The following MAP3K5 variants were observed in gnomAD, a reference collection of about 807,000 sequenced individuals.
MAP3K5 encodes the protein mitogen-activated protein kinase kinase kinase 5, also known as ASK-1.
A neutral mutation model predicts 158.7 loss-of-function variants in MAP3K5; 56 were observed. The observed-to-expected ratio is 0.35, with a 90% CI of 0.28 to 0.44. MAP3K5 has a LOEUF of 0.44. Among genes scored for constraint, MAP3K5 ranks in the 20% least tolerant of loss-of-function variants. MAP3K5 has a pLI of 1.00. For missense variants in MAP3K5, 1,294 were observed against 1,674.8 expected (o/e 0.77, Z 3.97); for synonymous variants, 579 against 601.7 (o/e 0.96, Z 0.55).
intron 1 of MAP3K5, among the ~76,000 whole-genome samples, chr6:136,730,721 C>CAAAAAAA (rs377188561): frequency 3.4e-5 from 3 of 87,378 alleles, no homozygotes; most frequent in African/African-American, 1.8e-4. Context: ...AACTCTGCCT[C>CAAAAAAA]AAAAAAAAAA....
chr6:136,737,037 G>GTGTGTATATATATATA (rs759947051), intron 1 of MAP3K5, among the ~76,000 whole-genome samples: 51 of 126,988 alleles, frequency 4.0e-4, no homozygotes, highest in Non-Finnish European at 6.5e-4. Context: ...ATATGTGTGT[G>GTGTGTATATATATATA]TATATATATA....
chr6:136,728,499 T>G (rs1277651039), intron 1 of MAP3K5, among the ~76,000 whole-genome samples: 1 of 152,204 alleles, frequency 6.6e-6, no homozygotes, highest in Non-Finnish European at 1.5e-5. Context: ...ATCAAGGTCT[T>G]GAACTGGTCA....
chr6:136,685,989 C>T (rs1030917161), intron 7 of MAP3K5, among the ~76,000 whole-genome samples: 7 of 152,194 alleles, frequency 4.6e-5, no homozygotes, highest in African/African-American at 9.6e-5. Flanking sequence ...TGCACTACAG[C>T]GGAAACTGGA....
chr6:136,700,540 A>G (rs1490067048), intron 3 of MAP3K5, among the ~76,000 whole-genome samples: 2 of 152,238 alleles, frequency 1.3e-5, no homozygotes, highest in East Asian at 1.9e-4. Context: ...AGACACTCAT[A>G]TATCAGGTAA....
intron 14 of MAP3K5, among the ~76,000 whole-genome samples, chr6:136,625,390 G>A (rs1776987179): frequency 6.6e-6 from 1 of 152,210 alleles, no homozygotes; most frequent in African/African-American, 2.4e-5. Context: ...GAGGGGATAG[G>A]AAGTATGGCC....
At chr6:136,565,613 G>A (rs1774064881) in intron 26 of MAP3K5, among the ~76,000 whole-genome samples, 1 of 152,160 alleles carries the variant, frequency 6.6e-6, no homozygotes, top group African/African-American at 2.4e-5. Context: ...TTTTTAATAT[G>A]AGAGCTACAA....
At chr6:136,628,236 T>A (rs1474420974) in intron 14 of MAP3K5, among the ~76,000 whole-genome samples, 1 of 152,038 alleles carries the variant, frequency 6.6e-6, no homozygotes, top group Non-Finnish European at 1.5e-5. Flanking sequence ...TTCAGCCTCC[T>A]CAACAGCTGG....
chr6:136,616,099 T>C (rs1776550717), intron 15 of MAP3K5, among the ~76,000 whole-genome samples: 1 of 152,130 alleles, frequency 6.6e-6, no homozygotes, highest in South Asian at 2.1e-4. Flanking sequence ...GGGCACGTAT[T>C]AAAATGAGCA....
At chr6:136,747,155 A>AC (rs1782998874) in intron 1 of MAP3K5, among the ~76,000 whole-genome samples, 1 of 152,140 alleles carries the variant, frequency 6.6e-6, no homozygotes. Flanking sequence ...TCCTGGTCTT[A>AC]TTGGCCTCCC....
chr6:136,739,892 G>A (rs555908131), intron 1 of MAP3K5, among the ~76,000 whole-genome samples: 5 of 152,104 alleles, frequency 3.3e-5, no homozygotes, highest in South Asian at 2.1e-4. Context: ...CTAAGCAAGC[G>A]GCAGTTCCTG....
At position 136,557,400 on chromosome 6, in the gene MAP3K5, T is replaced by G. The variant is rs1427669977; in HGVS notation, c.*358A>C. 5.0e-6 allele frequency: 1 copy of G among 199,560 alleles called. No individual in the cohort carries two copies. The highest frequency in any genetic ancestry group is 2.4e-5 in the African/African-American group (1 of 42,220). The allele number at this position is 199,560 out of a possible 1,614,324, so 12.4% of individuals were successfully genotyped here. On this transcript the variant is annotated 3_prime_UTR_variant, in exon 30 of 30. Transcript: ENST00000359015. ...TTGGTTTTGTTCCAGTGGTGCACGA[T>G]CACATGAAATGTTACATCCGTTTTG...
chr6:136,669,643 C>T (rs1192671349), intron 7 of MAP3K5, among the ~76,000 whole-genome samples: 2 of 152,118 alleles, frequency 1.3e-5, no homozygotes, highest in East Asian at 3.8e-4. Context: ...TAAAAAAATC[C>T]TCTCTTCAAC....
intron 15 of MAP3K5, among the ~76,000 whole-genome samples, chr6:136,617,480 A>G (rs952323891): frequency 1.3e-5 from 2 of 152,180 alleles, no homozygotes; most frequent in Non-Finnish European, 2.9e-5. Context: ...AACCATCTAG[A>G]CCAGTGGTTG....
intron 8 of MAP3K5, among the ~76,000 whole-genome samples, chr6:136,667,845 C>T (rs1779295497): frequency 6.6e-6 from 1 of 150,474 alleles, no homozygotes; most frequent in South Asian, 2.1e-4. Flanking sequence ...GACCCTGTCT[C>T]AGAAGAAAAA....
intron 7 of MAP3K5, among the ~76,000 whole-genome samples, chr6:136,680,627 A>C (rs1779892764): frequency 6.6e-6 from 1 of 152,232 alleles, no homozygotes; most frequent in Admixed American, 6.5e-5. Context: ...ACCAATTCAC[A>C]TTCTCAAGAG....
Position 136,601,006 on chromosome 6 carries a change from G to GA in MAP3K5, c.2878+15_2878+16insT. The GA allele has an allele frequency of 1.2e-6, 2 of 1,613,690 alleles. No homozygotes were observed. Among genetic ancestry groups the GA allele is most frequent in the Non-Finnish European group, 8.5e-7 (1 of 1,179,888 alleles). On this transcript the variant is annotated intron_variant, in intron 21 of 29. Transcript: ENST00000359015. The stretch of plus-strand genomic sequence containing the variant: ...ACCAGGTCTCAGCTCAATGGGCAAA[G>GA]TAAAAACAAACTCACCATTTGATCC...
chr6:136,765,011 T>C (rs543226745), intron 1 of MAP3K5, among the ~76,000 whole-genome samples: 38 of 152,312 alleles, frequency 2.5e-4, no homozygotes, highest in Admixed American at 2.4e-3. Context: ...TTCTATCATG[T>C]AGCCACCAAT....
chr6:136,653,053 A>G (rs1437672055), intron 10 of MAP3K5, among the ~76,000 whole-genome samples: 3 of 152,214 alleles, frequency 2.0e-5, no homozygotes, highest in Non-Finnish European at 4.4e-5. Flanking sequence ...TCAAAAAGGA[A>G]GACTGCAAGG....
intron 1 of MAP3K5, among the ~76,000 whole-genome samples, chr6:136,725,182 T>C (rs1781914390): frequency 2.0e-5 from 3 of 152,246 alleles, no homozygotes; most frequent in African/African-American, 7.2e-5. Context: ...CAAGTCTTTA[T>C]ATAGACACAT....
Sources: allele counts gnomAD v4.1 joint callset (sites outside exome capture counted in the v4.1 genomes callset), GRCh38; gene constraint gnomAD v4.1.1; transcripts MANE v1.5; gene names NCBI Gene and HGNC (gene_info 2026-07-23, HGNC 2026-07-21).